Variants in TPM1 observed in about 807,000 individuals in gnomAD.
The protein encoded by TPM1 is tropomyosin alpha-1 chain.
In TPM1, 24 loss-of-function variants were observed where a neutral mutation model predicts 42.9. The ratio of observed to expected loss-of-function variants is 0.56; its 90% CI spans 0.41 to 0.79. The LOEUF (loss-of-function observed/expected upper bound fraction) is 0.79. Among genes scored for constraint, TPM1 ranks in the 30% least tolerant of loss-of-function variants. TPM1 has a pLI of 0.00. For missense variants in TPM1, 158 were observed against 351.8 expected (o/e 0.45, Z 4.41); for synonymous variants, 136 against 130.1 (o/e 1.05, Z -0.31).
downstream of TPM1, chr15:63,069,791 A>G (rs768554880): frequency 3.2e-4 from 511 of 1,582,190 alleles, no homozygotes; most frequent in Middle Eastern, 1.2e-3. Context: ...TGTGTTCTCT[A>G]TTAACTGCCT....
chr15:63,057,499 A>G (rs2034991806), intron 3 of TPM1, among the ~76,000 whole-genome samples: 1 of 152,254 alleles, frequency 6.6e-6, no homozygotes, highest in Admixed American at 6.5e-5. Context: ...ATAATATACA[A>G]GGAGGCTTAG....
chr15:63,048,401 T>A, intron 2 of TPM1: 4 of 1,355,350 alleles, frequency 3.0e-6, no homozygotes, highest in Non-Finnish European at 3.8e-6. Flanking sequence ...TGCGCAGCCC[T>A]GGAGGCTGCG....
At chr15:63,051,686 A>G (rs1019021612) in intron 2 of TPM1, among the ~76,000 whole-genome samples, 56 of 152,172 alleles carry the variant, frequency 3.7e-4, no homozygotes, top group Non-Finnish European at 2.4e-4. Context: ...GATCATCCCA[A>G]GTTCCACTCC....
chr15:63,052,677 C>T (rs551666814), intron 2 of TPM1, among the ~76,000 whole-genome samples: 73 of 152,072 alleles, frequency 4.8e-4, no homozygotes, highest in African/African-American at 1.7e-3. Flanking sequence ...TGTCTATGGG[C>T]TTGTACCGGC....
At position 63,062,236 on chromosome 15, in the gene TPM1, T is replaced by TA; in HGVS notation, c.662dup (p.Tyr221Ter). 6.2e-7 allele frequency: 1 copy of TA among 1,614,072 alleles called. No homozygotes were observed. Among genetic ancestry groups the TA allele is most frequent in the Non-Finnish European group, 8.5e-7 (1 of 1,180,006 alleles). Residue 221 changes from tyrosine (Y) to a stop codon, truncating the protein, a stop_gained and frameshift_variant, in exon 7 of 10, where the codon TAT becomes TAAT. Transcript: ENST00000403994. LOFTEE classifies it high-confidence loss of function. The part of the protein sequence containing the change: ...AEKYSQKEDR[Y>*]EEEIKVLSDK... ...ACAGTACTCGCAGAAGGAAGACAGA[T>TA]ATGAGGAAGAGATCAAGGTCCTTTC...
chr15:63,058,470 G>A (rs2035122197), intron 3 of TPM1, among the ~76,000 whole-genome samples: 1 of 152,148 alleles, frequency 6.6e-6, no homozygotes, highest in Non-Finnish European at 1.5e-5. Flanking sequence ...ACTTTAGGGG[G>A]CCGAGGCGGG....
intron 2 of TPM1, chr15:63,048,542 C>G: frequency 6.6e-7 from 1 of 1,515,852 alleles, no homozygotes; most frequent in Non-Finnish European, 8.8e-7. Context: ...GCCTCTCCCA[C>G]TGCAGCCCTC....
chr15:63,064,134 G>A lies in TPM1; in HGVS notation c.843G>A (p.Met281Ile). 1 of 1,613,880 alleles carries A rather than the reference G, an allele frequency of 6.2e-7. No homozygotes were observed. The highest frequency in any genetic ancestry group is 2.2e-5 in the East Asian group (1 of 44,880). ...AGCTGGACCACGCTCTCAACGATAT[G>A]ACTTCCATGTAAACGTTCATCCACT... ...SEELDHALND[M>I]TSI is the part of the protein sequence containing the mutation. The change falls in exon 9 of 10, where the codon ATG becomes ATA. Residue 281 changes from methionine to isoleucine, a missense_variant. By Grantham distance (10) the Met-to-Ile change is conservative. Transcript: ENST00000403994.
downstream of TPM1, chr15:63,070,255 T>G: frequency 1.7e-6 from 2 of 1,168,494 alleles, no homozygotes; most frequent in Middle Eastern, 7.7e-4. Flanking sequence ...AAATGTTTTC[T>G]ATTTCCTGAC....
intron 8 of TPM1, chr15:63,062,876 T>C: frequency 1.3e-6 from 2 of 1,513,208 alleles, no homozygotes; most frequent in Non-Finnish European, 1.8e-6. Flanking sequence ...CCATCCAGCT[T>C]GACTTCATGC....
intron 7 of TPM1, 91 bp downstream of exon 7, chr15:63,062,368 A>G (rs1484335538): frequency 8.5e-6 from 12 of 1,407,186 alleles, no homozygotes; most frequent in East Asian, 7.0e-5. Flanking sequence ...TAAAGTTCCA[A>G]TGATCCAAGT....
downstream of TPM1, among the ~76,000 whole-genome samples, chr15:63,068,645 C>T (rs2036419453): frequency 6.6e-6 from 1 of 152,186 alleles, no homozygotes; most frequent in Non-Finnish European, 1.5e-5. Context: ...CAGCTGTTCC[C>T]AGTGCATACC....
downstream of TPM1, among the ~76,000 whole-genome samples, chr15:63,067,103 T>A (rs17826341): frequency 0.13 from 19,275 of 152,082 alleles, 1,470 homozygotes; most frequent in Admixed American, 0.25. Context: ...ATATTTCTCC[T>A]GTTTTTTTTT....
At chr15:63,048,887 C>T (rs536305986) in intron 2 of TPM1, 2 of 774,466 alleles carry the variant, frequency 2.6e-6, no homozygotes, top group Non-Finnish European at 2.1e-6. Context: ...GGCCTGTTCT[C>T]CTGAGCCTTT....
At chr15:63,062,797 C>T (rs1206961443) in intron 8 of TPM1, 152 bp downstream of exon 8, 1 of 1,544,762 alleles carries the variant, frequency 6.5e-7, no homozygotes, top group Non-Finnish European at 8.7e-7. Context: ...CTCTGTGGCT[C>T]TTGAACTCAT....
intron 2 of TPM1, chr15:63,048,377 GC>G (rs2032928975): frequency 1.5e-6 from 2 of 1,335,440 alleles, no homozygotes; most frequent in African/African-American, 3.2e-5. Flanking sequence ...GCGCGCGCCC[GC>G]CTGCGGTTTG....
At chr15:63,056,727 T>C (rs949820355) in intron 2 of TPM1, 1 of 492,584 alleles carries the variant, frequency 2.0e-6, no homozygotes, top group Non-Finnish European at 3.7e-6. Context: ...TGAAAGAGCG[T>C]TTGCTAATGA....
At chr15:63,067,054 T>C (rs557359320), downstream of TPM1, among the ~76,000 whole-genome samples, 8 of 152,350 alleles carry the variant, frequency 5.3e-5, no homozygotes, top group South Asian at 1.2e-3. Flanking sequence ...TTTAGTGTTA[T>C]AATTCCCAAC....
At position 63,064,338 on chromosome 15, in the gene TPM1, A is replaced by G. The variant is rs28730803; in HGVS notation, c.851+196A>G. 0.11 allele frequency: 159,202 copies of G among 1,453,122 alleles called. 11,639 individuals are homozygous for G. The highest frequency in any genetic ancestry group is 0.39 in the East Asian group (15,417 of 39,370). 90.0% of individuals were successfully genotyped at this position (1,453,122 alleles called of 1,614,324 possible). ...CAATTAGATTAAGTCTGTCTATACA[A>G]ACCATTTTCTTTTCAGAATCCGTTT... On this transcript the variant is annotated intron_variant, in intron 9 of 9. Coordinates refer to ENST00000403994, the MANE Select transcript of TPM1 (RefSeq NM_001018005.2).
Sources: gnomAD v4.1 joint callset for allele counts (sites outside exome capture counted in the v4.1 genomes callset) on GRCh38, gnomAD v4.1.1 for gene constraint, MANE v1.5 for transcripts, NCBI Gene and HGNC (gene_info 2026-07-23, HGNC 2026-07-21) for gene names.